SPTB: variants seen among roughly 807,000 people sequenced by gnomAD.
The protein encoded by SPTB is spectrin beta, erythrocytic, also known as spectrin beta chain, erythrocytic.
Under a neutral mutation model 256.2 loss-of-function variants are expected in SPTB, and 45 were observed. That is an observed-to-expected ratio of 0.18 (90% CI 0.14 to 0.23). The LOEUF is 0.23. SPTB is among the 10% of genes least tolerant of loss of function. The probability of loss-of-function intolerance (pLI) is 1.00; values close to 1 mark genes in which losing one functional copy is unlikely to be tolerated. For synonymous variants in SPTB, 1,231 were observed against 1,243.1 expected (o/e 0.99, Z 0.21); for missense variants, 2,715 against 3,040.4 (o/e 0.89, Z 2.52).
At position 64,793,236 on chromosome 14, in the gene SPTB, G is replaced by A; in HGVS notation, c.2427C>T (p.Phe809=). 6.2e-7 allele frequency: 1 copy of A among 1,609,524 alleles called. No individual in the cohort carries two copies. Among genetic ancestry groups the A allele is most frequent in the Non-Finnish European group, 8.5e-7 (1 of 1,180,028 alleles). ...MEHLEQQAQG[F]PEEFRDSPDV... ...CTGGGGAATCCCGAAACTCTTCGGG[G>A]AATCCCTGGGCCTGCTGCTCCAGGT... The change falls in exon 14 of 36, where the codon TTC becomes TTT. Residue 809 remains phenylalanine, a synonymous_variant. Coordinates refer to ENST00000644917, the MANE Select transcript of SPTB (RefSeq NM_001355436.2). This position sits in a 1 kb window ranked among gnomAD's most constrained non-coding sequence, Gnocchi z 7.0.
chr14:64,753,990 G>A (rs1275605731), intron 32 of SPTB, 197 bp from the exon 33 acceptor site: 1 of 702,078 alleles, frequency 1.4e-6, no homozygotes, highest in African/African-American at 1.8e-5. Context: ...CTCTGCCTGT[G>A]CTTCTGGCTC....
intron 1 of SPTB, among the ~76,000 whole-genome samples, chr14:64,848,114 T>A (rs895756383): frequency 6.6e-6 from 1 of 152,188 alleles, no homozygotes; most frequent in African/African-American, 2.4e-5. Context: ...TCACTTTCAT[T>A]CCTTCCCTGC....
At chr14:64,784,133 C>G (rs2082519481) in intron 19 of SPTB, 114 bp downstream of exon 19, 1 of 1,509,552 alleles carries the variant, frequency 6.6e-7, no homozygotes, top group Non-Finnish European at 9.1e-7. Context: ...TTGTTCGCTG[C>G]CACGTTCTGT....
Position 64,777,458 on chromosome 14 carries a change from T to C in SPTB, c.4563+1699A>G, listed in dbSNP as rs1170589742. Among the ~76,000 whole-genome samples, 2 of 152,200 alleles carry C rather than the reference T, an allele frequency of 1.3e-5. No individual in the cohort carries two copies. Among genetic ancestry groups the C allele is most frequent in the African/African-American group, 4.8e-5 (2 of 41,426 alleles). On this transcript the variant is annotated intron_variant, in intron 22 of 35. Coordinates refer to ENST00000644917, the MANE Select transcript of SPTB (RefSeq NM_001355436.2). This position sits in a 1 kb window ranked among gnomAD's most constrained non-coding sequence, Gnocchi z 4.5. Reference sequence around the variant, plus strand: ...GGCATTCATCTGTCTAAAAGTTCCCTAGGTGATGTGAGTGTACAGCCAGGG... The same window carrying C: ...GGCATTCATCTGTCTAAAAGTTCCCCAGGTGATGTGAGTGTACAGCCAGGG...
chr14:64,784,409 G>C lies in SPTB; in HGVS notation c.3856-16C>G. ...AGAGAGTGAGCTGTGTGCATAAAGA[G>C]TGGGCTGACTATCCCTGAGTATATT... On this transcript the variant is annotated splice_polypyrimidine_tract_variant and intron_variant, in intron 18 of 35. Transcript: ENST00000644917. The C allele has an allele frequency of 1.2e-6, 2 of 1,613,930 alleles. No individual in the cohort carries two copies. Among genetic ancestry groups the C allele is most frequent in the Non-Finnish European group, 1.7e-6 (2 of 1,180,010 alleles).
In SPTB at chr14:64,777,285, A is replaced by C. The variant is rs570564225; in HGVS notation, c.4563+1872T>G. On this transcript the variant is annotated intron_variant, in intron 22 of 35. Coordinates refer to ENST00000644917, the MANE Select transcript of SPTB (RefSeq NM_001355436.2). This position sits in a 1 kb window ranked among gnomAD's most constrained non-coding sequence, Gnocchi z 4.5. ...GCTGGAATACTGTGAAGGAGGGCAAAGTGAGAAGAGCTGAGTTTCAGAAGC... is the reference window on the plus strand; with the variant it reads ...GCTGGAATACTGTGAAGGAGGGCAACGTGAGAAGAGCTGAGTTTCAGAAGC... 6.6e-6 allele frequency among the ~76,000 whole-genome samples: 1 copy of C among 152,180 alleles called. No homozygotes were observed. Among genetic ancestry groups the C allele is most frequent in the African/African-American group, 2.4e-5 (1 of 41,436 alleles).
At chr14:64,842,904 T>G (rs755995900) in intron 1 of SPTB, among the ~76,000 whole-genome samples, 3 of 151,926 alleles carry the variant, frequency 2.0e-5, no homozygotes, top group Non-Finnish European at 4.4e-5. Flanking sequence ...CCTGTCTCTA[T>G]AAAAAATAAA....
chr14:64,774,851 T>C (rs1448722462), intron 23 of SPTB, among the ~76,000 whole-genome samples: 3 of 151,914 alleles, frequency 2.0e-5, no homozygotes, highest in Admixed American at 2.0e-4. Context: ...ATCTCTTTCA[T>C]AGCGTACAGA....
chr14:64,776,040 G>A (rs547935903), intron 22 of SPTB, among the ~76,000 whole-genome samples: 2 of 152,138 alleles, frequency 1.3e-5, no homozygotes, highest in Admixed American at 1.3e-4. Context: ...CACCCTGGTG[G>A]CTGGTCACCT....
intron 31 of SPTB, 86 bp downstream of exon 31, chr14:64,767,217 T>G: frequency 6.5e-7 from 1 of 1,549,784 alleles, no homozygotes; most frequent in African/African-American, 1.4e-5. Context: ...ATGCAACTGG[T>G]CCCAATGTCA....
Position 64,772,519 on chromosome 14 carries a change from G to T in SPTB, c.5553+61C>A. ...GGTTTTCCTGCTGACAGCCAGGTGGGGACTGACACCCAGGGCTCCTGGAAA... is the reference window on the plus strand; with the variant it reads ...GGTTTTCCTGCTGACAGCCAGGTGGTGACTGACACCCAGGGCTCCTGGAAA... On this transcript the variant is annotated intron_variant, in intron 26 of 35. Coordinates refer to ENST00000644917, the MANE Select transcript of SPTB (RefSeq NM_001355436.2). This position sits in a 1 kb window ranked among gnomAD's most constrained non-coding sequence, Gnocchi z 5.4. 1.3e-6 allele frequency: 2 copies of T among 1,591,206 alleles called. No individual in the cohort carries two copies. Among genetic ancestry groups the T allele is most frequent in the Non-Finnish European group, 8.5e-7 (1 of 1,176,702 alleles).
Position 64,826,403 on chromosome 14 carries a change from G to A in SPTB, c.-51-3258C>T, listed in dbSNP as rs558021729. Among the ~76,000 whole-genome samples the A allele has an allele frequency of 7.6e-4, 116 of 152,270 alleles. No homozygotes were observed. The highest frequency in any genetic ancestry group is 2.7e-3 in the African/African-American group (114 of 41,554). ...ACAGCATATGTTGGGGCTCATGGTG[G>A]GGACACCTAATTGAATGGGGAGTCA... On this transcript the variant is annotated intron_variant, in intron 1 of 35. Coordinates refer to ENST00000644917, the MANE Select transcript of SPTB (RefSeq NM_001355436.2). The surrounding 1 kb of genome is among the most constrained non-coding windows in gnomAD (Gnocchi z 4.4).
At chr14:64,809,967 T>C (rs554272676) in intron 2 of SPTB, among the ~76,000 whole-genome samples, 3 of 152,288 alleles carry the variant, frequency 2.0e-5, no homozygotes, top group East Asian at 3.9e-4. Flanking sequence ...GTTTTAAATA[T>C]ATTTAAATTA....
chr14:64,793,813 T>G lies in SPTB; in HGVS notation c.1850A>C (p.Gln617Pro). 6.4e-7 allele frequency: 1 copy of G among 1,571,588 alleles called. No individual in the cohort carries two copies. Among genetic ancestry groups the G allele is most frequent in the Admixed American group, 1.7e-5 (1 of 58,268 alleles). The change falls in exon 14 of 36, where the codon CAG becomes CCG. Residue 617 changes from glutamine to proline, a missense_variant. This residue lies in a region of SPTB where 2,239 missense variants were observed against 2,384.4 expected (regional missense o/e 0.94). Coordinates refer to ENST00000644917, the MANE Select transcript of SPTB (RefSeq NM_001355436.2). This position sits in a 1 kb window ranked among gnomAD's most constrained non-coding sequence, Gnocchi z 7.0. ...CATGTTGCTCAGCTCCTCAAAGCAC[T>G]GCTCCAAGTGGCTGATGCGGTCCTG... is the stretch of plus-strand genomic sequence containing the variant. ...VIQDRISHLE[Q>P]CFEELSNMAA...
chr14:64,817,602 C>T (rs1231726590), intron 2 of SPTB, among the ~76,000 whole-genome samples: 5 of 152,224 alleles, frequency 3.3e-5, no homozygotes, highest in East Asian at 3.8e-4. Flanking sequence ...TACTGATGCC[C>T]GTCCACGGGG....
At chr14:64,773,975 C>T (rs193045023) in intron 24 of SPTB, among the ~76,000 whole-genome samples, 75 of 152,326 alleles carry the variant, frequency 4.9e-4, no homozygotes, top group Non-Finnish European at 7.9e-4. Context: ...CACAAAACCT[C>T]GCAGCCCATG....
At chr14:64,797,581 T>C in intron 10 of SPTB, 148 bp downstream of exon 10, 1 of 698,704 alleles carries the variant, frequency 1.4e-6, no homozygotes, top group Non-Finnish European at 2.6e-6. Flanking sequence ...CAGAACCAGG[T>C]TCGATAACTC....
chr14:64,788,957 AC>A (rs1246386229), intron 15 of SPTB, among the ~76,000 whole-genome samples: 2 of 151,802 alleles, frequency 1.3e-5, no homozygotes, highest in African/African-American at 4.8e-5. Context: ...TGGCAGAAAA[AC>A]CTTAGTTTTT....
intron 1 of SPTB, among the ~76,000 whole-genome samples, chr14:64,859,707 T>C (rs1380014540): frequency 3.6e-5 from 1 of 27,858 alleles, no homozygotes; most frequent in Admixed American, 4.3e-4. Flanking sequence ...TCTCTCTCTC[T>C]CTCTCTCTCT....
Sources: allele counts gnomAD v4.1 joint callset (sites outside exome capture counted in the v4.1 genomes callset), GRCh38; gene constraint gnomAD v4.1.1; regional missense constraint gnomAD v4.1.1; non-coding constraint Gnocchi (gnomAD v3.1); transcripts MANE v1.5; gene names NCBI Gene and HGNC (gene_info 2026-07-23, HGNC 2026-07-21).